ZSCAN18: variants seen among roughly 807,000 people sequenced by gnomAD.
The protein encoded by ZSCAN18 is zinc finger and SCAN domain containing 18, also known as zinc finger and SCAN domain-containing protein 18.
A neutral mutation model predicts 31.1 loss-of-function variants in ZSCAN18; 16 were observed. That is an observed-to-expected ratio of 0.51 (90% confidence interval 0.35 to 0.78). ZSCAN18 has a LOEUF of 0.78. Among genes scored for constraint, ZSCAN18 ranks in the 30% least tolerant of loss-of-function variants. ZSCAN18 has a pLI of 0.01. For missense variants in ZSCAN18, 731 were observed against 697.4 expected (o/e 1.05, Z -0.54); for synonymous variants, 375 against 320.7 (o/e 1.17, Z -1.81).
upstream of ZSCAN18, among the ~76,000 whole-genome samples, chr19:58,100,896 A>AAATGTAG (rs1334449860): frequency 2.0e-5 from 3 of 152,054 alleles, no homozygotes; most frequent in Admixed American, 6.5e-5. Context: ...AAAAAAGATG[A>AAATGTAG]AATGTAGGTT....
intron 1 of ZSCAN18, among the ~76,000 whole-genome samples, chr19:58,114,081 A>G (rs1215643731): frequency 6.6e-6 from 1 of 152,114 alleles, no homozygotes; most frequent in African/African-American, 2.4e-5. Context: ...CAGCCTGGCC[A>G]ACATAGTGAA....
chr19:58,113,414 T>A (rs887928399), intron 1 of ZSCAN18, among the ~76,000 whole-genome samples: 2 of 152,118 alleles, frequency 1.3e-5, no homozygotes, highest in African/African-American at 4.8e-5. Flanking sequence ...CGCATTTGTG[T>A]CTGGGATGCC....
At chr19:58,083,853 G>A (rs1456678268), downstream of ZSCAN18, 2 of 152,218 alleles carry the variant, frequency 1.3e-5, no homozygotes, top group Admixed American at 6.5e-5. Context: ...GTAGCCCAAG[G>A]AGTTTAGTCT....
rs2074388947 is a variant in ZSCAN18, at chr19:58,090,485, G to T, written c.-119-99C>A. On this transcript the variant is annotated intron_variant, in intron 1 of 6. Transcript: ENST00000601144. This position sits in a 1 kb window ranked among gnomAD's most constrained non-coding sequence, Gnocchi z 4.7. ...AGACACCACACCCAGAGTTCACACA[G>T]ATTTCCAAGAAACCCGCTTGTTAGG... The T allele has an allele frequency of 8.6e-7, 1 of 1,168,684 alleles. No homozygotes were observed. The highest frequency in any genetic ancestry group is 1.2e-6 in the Non-Finnish European group (1 of 848,380). 72.4% of individuals were successfully genotyped at this position (1,168,684 alleles called of 1,614,324 possible).
chr19:58,086,060 A>G (rs2074273555), intron 6 of ZSCAN18, 114 bp downstream of exon 6: 2 of 788,058 alleles, frequency 2.5e-6, no homozygotes, highest in African/African-American at 3.5e-5. Context: ...AGAATGGTGA[A>G]GCAGTCAATG....
intron 1 of ZSCAN18, among the ~76,000 whole-genome samples, chr19:58,104,376 C>CA (rs1213328295): frequency 1.5e-4 from 21 of 144,320 alleles, no homozygotes; most frequent in Middle Eastern, 7.1e-3. Flanking sequence ...GAGGCTGTCT[C>CA]AAAAACAAAA....
upstream of ZSCAN18, among the ~76,000 whole-genome samples, chr19:58,102,529 A>G (rs2074603682): frequency 6.6e-6 from 1 of 152,160 alleles, no homozygotes; most frequent in East Asian, 1.9e-4. Flanking sequence ...TTCCCCCCAC[A>G]TTATGAACTT....
At chr19:58,098,349 T>A, upstream of ZSCAN18, 3 of 985,508 alleles carry the variant, frequency 3.0e-6, no homozygotes, top group Non-Finnish European at 3.6e-6. Context: ...ACAGTGCGCA[T>A]GGCCAATCAG....
At chr19:58,099,337 A>G (rs888162784), upstream of ZSCAN18, among the ~76,000 whole-genome samples, 3 of 152,118 alleles carry the variant, frequency 2.0e-5, no homozygotes, top group Non-Finnish European at 2.9e-5. Context: ...ACAGTGTCAT[A>G]TAAGTGGGAT....
In ZSCAN18 at chr19:58,086,349, G is replaced by A. The variant is rs1208849668; in HGVS notation, c.746-83C>T. 1.6e-5 allele frequency: 20 copies of A among 1,237,478 alleles called. No homozygotes were observed. The South Asian group carries it at 2.2e-4, about 14-fold the overall frequency. 76.7% of individuals were successfully genotyped at this position (1,237,478 alleles called of 1,614,324 possible). ...TGTTGTGTGTCGTGGGCCAGCCAGGGCAGGCTGCAGCCCACCTCCTCTTCT... is the reference window on the plus strand; with the variant it reads ...TGTTGTGTGTCGTGGGCCAGCCAGGACAGGCTGCAGCCCACCTCCTCTTCT... On this transcript the variant is annotated intron_variant, in intron 5 of 6. Transcript: ENST00000601144.
At chr19:58,088,902 G>C in intron 2 of ZSCAN18, 65 bp from the exon 3 acceptor site, 5 of 1,527,286 alleles carry the variant, frequency 3.3e-6, no homozygotes, top group Non-Finnish European at 4.4e-6. Context: ...CAATCACACA[G>C]TTAAACCACA....
intron 1 of ZSCAN18, among the ~76,000 whole-genome samples, chr19:58,091,249 C>T (rs1014553096): frequency 7.3e-5 from 9 of 123,678 alleles, no homozygotes; most frequent in Non-Finnish European, 9.7e-5. Context: ...GCCTGGGCAA[C>T]GGTGAGACTC....
At chr19:58,086,719 C>T in intron 5 of ZSCAN18, 187 bp downstream of exon 5, 1 of 579,212 alleles carries the variant, frequency 1.7e-6, no homozygotes, top group South Asian at 2.2e-5. Flanking sequence ...CTGGGCAGAA[C>T]TCAGATGTTT....
intron 1 of ZSCAN18, among the ~76,000 whole-genome samples, chr19:58,109,511 G>C (rs7254866): frequency 0.011 from 1,722 of 152,214 alleles, 40 homozygotes; most frequent in African/African-American, 0.039. Flanking sequence ...CTAATAGCCC[G>C]AGACTAGACA....
chr19:58,101,013 CAGGTCTATTTCCGGG>C (rs1276326200), upstream of ZSCAN18, among the ~76,000 whole-genome samples: 1 of 152,156 alleles, frequency 6.6e-6, no homozygotes, highest in African/African-American at 2.4e-5. Flanking sequence ...AATATCTTTG[CAGGTCTATTTCCGGG>C]TTCTCGATTC....
upstream of ZSCAN18, chr19:58,118,413 C>T (rs936660742): frequency 1.7e-5 from 26 of 1,486,286 alleles, no homozygotes; most frequent in Non-Finnish European, 2.2e-5. Flanking sequence ...GCAGAGTTCC[C>T]GGATGCGATA....
In ZSCAN18 at chr19:58,098,178, T is replaced by C. The variant is rs1021060152; in HGVS notation, c.-124A>G. 2 of 985,444 alleles carry C rather than the reference T, an allele frequency of 2.0e-6. No individual in the cohort carries two copies. Among genetic ancestry groups the C allele is most frequent in the African/African-American group, 3.5e-5 (2 of 57,256 alleles). The allele number at this position is 985,444 out of a possible 1,614,324, so 61.0% of individuals were successfully genotyped here. On this transcript the variant is annotated 5_prime_UTR_variant, in exon 1 of 7. Transcript: ENST00000601144. ...GCATCCCCGGGACCGACCCACCTGC[T>C]GCGCAGCTACCCCAGGCCGGTCCCA...
At chr19:58,091,750 G>C (rs1034963854) in intron 1 of ZSCAN18, among the ~76,000 whole-genome samples, 2 of 152,150 alleles carry the variant, frequency 1.3e-5, no homozygotes, top group Non-Finnish European at 2.9e-5. Flanking sequence ...CCTCCAGTCG[G>C]CCTCGGGCTC....
At chr19:58,102,988 G>C (rs74420641), upstream of ZSCAN18, among the ~76,000 whole-genome samples, 1,718 of 152,122 alleles carry the variant, frequency 0.011, 42 homozygotes, top group African/African-American at 0.038. Flanking sequence ...TGGGTGTGGT[G>C]GTGTGCACCT....
Sources: gnomAD v4.1 joint callset for allele counts (sites outside exome capture counted in the v4.1 genomes callset) on GRCh38, gnomAD v4.1.1 for gene constraint, Gnocchi (gnomAD v3.1) non-coding constraint, MANE v1.5 for transcripts, NCBI Gene and HGNC (gene_info 2026-07-23, HGNC 2026-07-21) for gene names.